SRPRA: variants seen among roughly 807,000 people sequenced by gnomAD.
SRPRA encodes signal recognition particle receptor subunit alpha.
In SRPRA, 30 loss-of-function variants were observed where a neutral mutation model predicts 61.1. That is an observed-to-expected ratio of 0.49 (90% CI 0.37 to 0.67). The LOEUF (loss-of-function observed/expected upper bound fraction) is 0.67, where lower values mean the gene tolerates loss of function less well. Ranked by LOEUF, SRPRA falls within the 30% of genes least tolerant of loss-of-function variation. SRPRA has a pLI of 0.00. For missense variants in SRPRA, 759 were observed against 828.4 expected (o/e 0.92, Z 1.03); for synonymous variants, 324 against 299.7 (o/e 1.08, Z -0.84).
At chr11:126,250,419 C>T in the SRPRA span, 7 of 876,560 alleles carry the variant, frequency 8.0e-6, no homozygotes, top group African/African-American at 1.2e-4. This position sits in a 1 kb window ranked among gnomAD's most constrained non-coding sequence, Gnocchi z 5.1. Flanking sequence ...TCAAAATATT[C>T]TTCCAAAATT....
the SRPRA span, among the ~76,000 whole-genome samples, chr11:126,249,264 A>G: frequency 6.6e-6 from 1 of 152,238 alleles, no homozygotes; most frequent in East Asian, 1.9e-4. Flanking sequence ...GATGTTTTCA[A>G]CAGTTGCAAA....
chr11:126,264,637 T>G lies in SRPRA; in HGVS notation c.1526-98A>C. The G allele has an allele frequency of 7.2e-7, 1 of 1,395,816 alleles. No homozygotes were observed. Among genetic ancestry groups the G allele is most frequent in the Admixed American group, 2.2e-5 (1 of 44,552 alleles). The allele number at this position is 1,395,816 out of a possible 1,614,324, so 86.5% of individuals were successfully genotyped here. On this transcript the variant is annotated intron_variant, in intron 11 of 13. Transcript: ENST00000332118. This position sits in a 1 kb window ranked among gnomAD's most constrained non-coding sequence, Gnocchi z 5.0. ...AGTCCTAGTTTGACTACCTGTTCAC[T>G]GTCTTGGGCTCTGGATTTGGTTCCA...
chr11:126,247,650 A>G, the SRPRA span, among the ~76,000 whole-genome samples: 1 of 151,950 alleles, frequency 6.6e-6, no homozygotes, highest in Non-Finnish European at 1.5e-5. Flanking sequence ...ACAAGGTCAG[A>G]AGTTCAAGAC....
chr11:126,262,358 C>T (rs985161541), downstream of SRPRA: 11 of 571,858 alleles, frequency 1.9e-5, no homozygotes, highest in South Asian at 2.4e-4. Context: ...AAAGCGACAG[C>T]AGGACCCAAA....
the SRPRA span, among the ~76,000 whole-genome samples, chr11:126,257,932 A>G: frequency 6.6e-6 from 1 of 152,228 alleles, no homozygotes; most frequent in Non-Finnish European, 1.5e-5. Flanking sequence ...ACAAAACACA[A>G]ACATTTTTGG....
In SRPRA at chr11:126,267,758, C is replaced by G. The variant is rs1364804030; in HGVS notation, c.202-46G>C. On this transcript the variant is annotated intron_variant, in intron 2 of 13. Transcript: ENST00000332118. The surrounding 1 kb of genome is among the most constrained non-coding windows in gnomAD (Gnocchi z 4.2). ...CCAACAGATCTGCTTACATACTAGC[C>G]TAGAATGGAGGGACGCCAACTCAAC... 6.2e-7 allele frequency: 1 copy of G among 1,607,324 alleles called. No homozygotes were observed.
In SRPRA at chr11:126,266,309, AG is replaced by A. The variant is rs1591538401; in HGVS notation, c.841-32del. 3.1e-6 allele frequency: 5 copies of A among 1,609,810 alleles called. No individual in the cohort carries two copies. In the African/African-American group the frequency reaches 6.7e-5, roughly 22 times the overall value. On this transcript the variant is annotated intron_variant, in intron 6 of 13. Transcript: ENST00000332118. ...AGATACGGGGAAAGGATGTGGGGTC[AG>A]GAACACTAAGGTCTCTGAGGAAAAC...
intron 6 of SRPRA, 89 bp downstream of exon 6, chr11:126,266,387 C>T: frequency 1.9e-6 from 3 of 1,588,226 alleles, no homozygotes; most frequent in South Asian, 1.1e-5. Context: ...TATAACTTAC[C>T]CCTCATTCAA....
At chr11:126,250,387 G>A in the SRPRA span, 7 of 683,146 alleles carry the variant, frequency 1.0e-5, no homozygotes, top group East Asian at 1.6e-4. The surrounding 1 kb of genome is among the most constrained non-coding windows in gnomAD (Gnocchi z 5.1). Flanking sequence ...CACTGCGCCT[G>A]GCCTTTATCT....
At chr11:126,255,051 C>T in the SRPRA span, among the ~76,000 whole-genome samples, 6 of 152,124 alleles carry the variant, frequency 3.9e-5, no homozygotes, top group Non-Finnish European at 7.3e-5. The surrounding 1 kb of genome is among the most constrained non-coding windows in gnomAD (Gnocchi z 4.6). Flanking sequence ...ATTAATAGCC[C>T]TCTCTGTGTC....
chr11:126,242,507 T>C, the SRPRA span, among the ~76,000 whole-genome samples: 1 of 152,160 alleles, frequency 6.6e-6, no homozygotes, highest in Admixed American at 6.5e-5. Flanking sequence ...GCGTATAATA[T>C]CCAGAATCTA....
chr11:126,243,903 C>CA, the SRPRA span, among the ~76,000 whole-genome samples: 9,143 of 104,398 alleles, frequency 0.088, 406 homozygotes, highest in East Asian at 0.24. Context: ...GACTCCGTCT[C>CA]AAAAAAAAAA....
rs761951452 is a variant in SRPRA at position 126,265,054 on chromosome 11, G to A, written c.1430C>T (p.Pro477Leu). The A allele has an allele frequency of 2.5e-6, 4 of 1,614,186 alleles. No individual in the cohort carries two copies. The highest frequency in any genetic ancestry group is 2.2e-5 in the East Asian group (1 of 44,880). The change falls in exon 11 of 14, where the codon CCT (proline) becomes CTT (leucine). Residue 477 changes from proline to leucine, a missense_variant. Coordinates refer to ENST00000332118, the MANE Select transcript of SRPRA (RefSeq NM_003139.4). The surrounding 1 kb of genome is among the most constrained non-coding windows in gnomAD (Gnocchi z 6.3). ...THTRRLSALH[P>L]PEKHGGRTMV... ...GGTGCGGCCACCATGCTTCTCTGGA[G>A]GGTGTAGGGCACTCAAACGCCGGGT...
rs755076536 is a variant in SRPRA, at chr11:126,265,186, G to GT, written c.1312-15dup. ...CCAGAAGGAAATCTGTGAAAAAGAC[G>GT]TAAGAAAAGTCACCTAAAGCCAGGA... is the stretch of plus-strand genomic sequence containing the variant. On this transcript the variant is annotated splice_polypyrimidine_tract_variant and intron_variant, in intron 10 of 13. Coordinates refer to ENST00000332118, the MANE Select transcript of SRPRA (RefSeq NM_003139.4). The surrounding 1 kb of genome is among the most constrained non-coding windows in gnomAD (Gnocchi z 6.3). 7 of 1,613,960 alleles carry GT rather than the reference G, an allele frequency of 4.3e-6. No individual in the cohort carries two copies. In the East Asian group the frequency reaches 6.7e-5, roughly 15 times the overall value.
chr11:126,240,095 C>A, the SRPRA span, among the ~76,000 whole-genome samples: 2 of 152,122 alleles, frequency 1.3e-5, no homozygotes, highest in Non-Finnish European at 2.9e-5. Context: ...GGAACAAAAA[C>A]AAAAATTAGC....
chr11:126,247,595 C>T, the SRPRA span, among the ~76,000 whole-genome samples: 1 of 152,038 alleles, frequency 6.6e-6, no homozygotes, highest in South Asian at 2.1e-4. Flanking sequence ...CGCGGTGGCT[C>T]ACGCCTGCAA....
downstream of SRPRA, chr11:126,262,319 A>AC (rs1158478951): frequency 4.0e-6 from 2 of 497,046 alleles, no homozygotes; most frequent in Non-Finnish European, 7.3e-6. Context: ...GGTTCTTGAT[A>AC]TTCTGCCGCC....
chr11:126,248,392 T>C, the SRPRA span, among the ~76,000 whole-genome samples: 1 of 109,476 alleles, frequency 9.1e-6, no homozygotes, highest in Non-Finnish European at 1.8e-5. Flanking sequence ...TTTTTTGAGA[T>C]GGAGTTTCGC....
chr11:126,241,975 C>T, the SRPRA span, among the ~76,000 whole-genome samples: 5 of 141,840 alleles, frequency 3.5e-5, no homozygotes, highest in Non-Finnish European at 7.5e-5. Context: ...CACTGAGTTG[C>T]GGTCGCGCCA....
Sources: allele counts gnomAD v4.1 joint callset (sites outside exome capture counted in the v4.1 genomes callset), GRCh38; gene constraint gnomAD v4.1.1; non-coding constraint Gnocchi (gnomAD v3.1); transcripts MANE v1.5; gene names NCBI Gene and HGNC (gene_info 2026-07-23, HGNC 2026-07-21).